Variants in GRIN2A observed in about 807,000 individuals in gnomAD.
GRIN2A encodes the protein glutamate ionotropic receptor NMDA type subunit 2A.
In GRIN2A, 22 loss-of-function variants were observed where a neutral mutation model predicts 113.4. That is an observed-to-expected ratio of 0.19 (90% CI 0.14 to 0.28). The LOEUF (loss-of-function observed/expected upper bound fraction) is 0.28, where lower values mean the gene tolerates loss of function less well. Among genes scored for constraint, GRIN2A ranks in the 10% least tolerant of loss-of-function variants. The pLI, the probability that GRIN2A is intolerant of heterozygous loss-of-function variation, is 1.00. For synonymous variants in GRIN2A, 827 were observed against 738.4 expected, an observed-to-expected ratio of 1.12 and a Z score of -1.94; for missense variants, 1,502 against 1,887.0, an observed-to-expected ratio of 0.80 and a Z score of 3.78.
At chr16:9,963,225 A>T (rs1005277205) in intron 2 of GRIN2A, among the ~76,000 whole-genome samples, 3 of 151,824 alleles carry the variant, frequency 2.0e-5, no homozygotes, top group Admixed American at 6.6e-5. Context: ...CATATGTAAC[A>T]AACCTGCACA....
intron 3 of GRIN2A, among the ~76,000 whole-genome samples, chr16:9,918,138 T>C (rs1463642633): frequency 6.6e-6 from 1 of 152,226 alleles, no homozygotes; most frequent in Non-Finnish European, 1.5e-5. Flanking sequence ...ATTTCTATTT[T>C]ACTGATGACA....
intron 10 of GRIN2A, among the ~76,000 whole-genome samples, chr16:9,810,923 C>A (rs2042074532): frequency 6.6e-6 from 1 of 152,082 alleles, no homozygotes; most frequent in Non-Finnish European, 1.5e-5. Flanking sequence ...TGGGGTTGGC[C>A]CCGGGCACTT....
chr16:9,897,823 T>C (rs1261977233), intron 3 of GRIN2A, among the ~76,000 whole-genome samples: 2 of 152,200 alleles, frequency 1.3e-5, no homozygotes, highest in Non-Finnish European at 2.9e-5. Context: ...TGGTAGACTG[T>C]AATCATGGAA....
intron 3 of GRIN2A, among the ~76,000 whole-genome samples, chr16:9,908,602 A>G (rs903678817): frequency 6.6e-6 from 1 of 152,188 alleles, no homozygotes; most frequent in Non-Finnish European, 1.5e-5. Context: ...GAAGAAGAAG[A>G]CAGACCAACA....
chr16:9,950,819 A>C (rs1277000798), intron 2 of GRIN2A, among the ~76,000 whole-genome samples: 1 of 152,208 alleles, frequency 6.6e-6, no homozygotes, highest in African/African-American at 2.4e-5. Context: ...AAACAGGAAA[A>C]GCAATTTCCA....
At position 9,961,280 on chromosome 16, in the gene GRIN2A, TAGA is replaced by T. The variant is rs201658361; in HGVS notation, c.415-22732_415-22730del. Among the ~76,000 whole-genome samples, 1,296 of 151,982 alleles carry T rather than the reference TAGA, an allele frequency of 8.5e-3. 27 individuals are homozygous for T. Among genetic ancestry groups the T allele is most frequent in the African/African-American group, 0.03 (1,243 of 41,442 alleles). On this transcript the variant is annotated intron_variant, in intron 2 of 12. Coordinates refer to ENST00000330684, the MANE Select transcript of GRIN2A (RefSeq NM_001134407.3). ...ATGGAAATACGCAGCTACAACCCAA[TAGA>T]AGGTCACATGCTCCAGACAGGGAAC...
chr16:9,753,813 G>A lies in GRIN2A; in HGVS notation c.*9336C>T, dbSNP rs1181948449. The A allele has an allele frequency of 5.5e-6, 1 of 181,368 alleles. No individual in the cohort carries two copies. The highest frequency in any genetic ancestry group is 1.2e-5 in the Non-Finnish European group (1 of 85,028). 11.2% of individuals were successfully genotyped at this position (181,368 alleles called of 1,614,324 possible). ...GCTTAGAGCAGACAGCTTGCTTTCA[G>A]CTCCACCATACAAGACATCAAGTCA... On this transcript the variant is annotated 3_prime_UTR_variant, in exon 13 of 13. Transcript: ENST00000330684.
chr16:10,136,284 C>T (rs2049189453), intron 2 of GRIN2A, among the ~76,000 whole-genome samples: 1 of 152,086 alleles, frequency 6.6e-6, no homozygotes, highest in African/African-American at 2.4e-5. Flanking sequence ...ATCATCCCAC[C>T]TCTTCAACAG....
intron 2 of GRIN2A, among the ~76,000 whole-genome samples, chr16:10,135,266 T>C (rs2049167988): frequency 6.6e-6 from 1 of 152,214 alleles, no homozygotes. Context: ...TCAATAACAT[T>C]TCCTTCGTAG....
intron 2 of GRIN2A, among the ~76,000 whole-genome samples, chr16:10,041,682 A>C (rs139991914): frequency 6.6e-6 from 1 of 152,314 alleles, no homozygotes; most frequent in Non-Finnish European, 1.5e-5. Flanking sequence ...ATATATGTTC[A>C]GTGTCTGGTA....
chr16:9,911,164 C>T (rs1001422744), intron 3 of GRIN2A, among the ~76,000 whole-genome samples: 2 of 152,058 alleles, frequency 1.3e-5, no homozygotes, highest in African/African-American at 2.4e-5. Flanking sequence ...AAAGAGTTAG[C>T]GGAGGTCAGC....
At chr16:9,906,899 G>A (rs528058707) in intron 3 of GRIN2A, among the ~76,000 whole-genome samples, 1 of 152,336 alleles carries the variant, frequency 6.6e-6, no homozygotes, top group African/African-American at 2.4e-5. Flanking sequence ...CTGGAGTGCA[G>A]TGGCACAATC....
At chr16:10,169,506 C>T (rs933104254) in intron 2 of GRIN2A, among the ~76,000 whole-genome samples, 1 of 152,084 alleles carries the variant, frequency 6.6e-6, no homozygotes, top group African/African-American at 2.4e-5. Context: ...GGATAGAGGC[C>T]CTAGAAGAAG....
intron 2 of GRIN2A, among the ~76,000 whole-genome samples, chr16:9,958,736 A>T (rs1003390748): frequency 9.2e-5 from 14 of 152,108 alleles, no homozygotes; most frequent in African/African-American, 3.4e-4. Flanking sequence ...GGCAGAAATT[A>T]GAACCTGAAT....
At chr16:9,826,011 A>C (rs2042381672) in intron 9 of GRIN2A, among the ~76,000 whole-genome samples, 3 of 145,012 alleles carry the variant, frequency 2.1e-5, no homozygotes, top group African/African-American at 5.0e-5. Context: ...AGGGGGAGGA[A>C]TGAGAGGGGG....
intron 2 of GRIN2A, among the ~76,000 whole-genome samples, chr16:10,026,607 T>C (rs952169015): frequency 6.4e-5 from 9 of 140,020 alleles, no homozygotes; most frequent in African/African-American, 2.6e-4. Flanking sequence ...CTGAAGAACA[T>C]GGATCTGCTC....
intron 2 of GRIN2A, among the ~76,000 whole-genome samples, chr16:10,136,502 G>C (rs867403884): frequency 2.6e-5 from 4 of 152,120 alleles, no homozygotes; most frequent in Admixed American, 6.5e-5. Context: ...TTGTAGACCT[G>C]TTATCCATGG....
chr16:9,947,669 G>C (rs947717533), intron 2 of GRIN2A, among the ~76,000 whole-genome samples: 1 of 152,136 alleles, frequency 6.6e-6, no homozygotes, highest in African/African-American at 2.4e-5. Context: ...GTATGTTCCT[G>C]TTATCAAAGG....
intron 2 of GRIN2A, among the ~76,000 whole-genome samples, chr16:10,128,608 T>C (rs1455493853): frequency 6.6e-6 from 1 of 152,208 alleles, no homozygotes; most frequent in Admixed American, 6.5e-5. Context: ...GGCAAGAGCA[T>C]GAATCATGTG....
Sources: gnomAD v4.1 joint callset for allele counts (sites outside exome capture counted in the v4.1 genomes callset) on GRCh38, gnomAD v4.1.1 for gene constraint, MANE v1.5 for transcripts, NCBI Gene and HGNC (gene_info 2026-07-23, HGNC 2026-07-21) for gene names.